The following KHDC4 variants were observed in gnomAD, a reference collection of about 807,000 sequenced individuals.
KHDC4 encodes the protein KH homology domain-containing protein 4.
Under a neutral mutation model 74.5 loss-of-function variants are expected in KHDC4, and 19 were observed. The ratio of observed to expected loss-of-function variants is 0.26; its 90% CI spans 0.18 to 0.37. The LOEUF is 0.37. KHDC4 is among the 10% of genes least tolerant of loss of function. The pLI is 1.00. For synonymous variants in KHDC4, 253 were observed against 266.1 expected, an observed-to-expected ratio of 0.95 and a Z score of 0.48; for missense variants, 632 against 754.1, an observed-to-expected ratio of 0.84 and a Z score of 1.90.
At chr1:155,915,037 T>C (rs1304946852) in intron 13 of KHDC4, 2 of 152,226 alleles carry the variant, frequency 1.3e-5, no homozygotes, top group African/African-American at 4.8e-5. Context: ...TTTTTAAAAC[T>C]ATTTTCTCTC....
At chr1:155,919,359 T>C (rs1673802472) in intron 10 of KHDC4, among the ~76,000 whole-genome samples, 1 of 152,144 alleles carries the variant, frequency 6.6e-6, no homozygotes. Flanking sequence ...GCTGTCTAAA[T>C]ATAAAAATTA....
At chr1:155,918,971 G>GTTTTT (rs66693073) in intron 10 of KHDC4, among the ~76,000 whole-genome samples, 3 of 107,448 alleles carry the variant, frequency 2.8e-5, no homozygotes, top group Non-Finnish European at 5.3e-5. Flanking sequence ...CTAACTCCCA[G>GTTTTT]TTTTTTTTTT....
intron 10 of KHDC4, among the ~76,000 whole-genome samples, 197 bp from the exon 11 acceptor site, chr1:155,917,869 T>C (rs909935506): frequency 6.6e-6 from 1 of 152,174 alleles, no homozygotes; most frequent in East Asian, 1.9e-4. Context: ...AAACATGAAA[T>C]TGACAACCTA....
In KHDC4 at chr1:155,927,169, AC is replaced by A. The variant is rs757581114; in HGVS notation, c.465-14del. 2.5e-6 allele frequency: 4 copies of A among 1,611,652 alleles called. No homozygotes were observed. The African/African-American group carries it at 5.3e-5, about 22-fold the overall frequency. ...TAATGGACGATCCCTATAAAGAGAA[AC>A]AAAAAAGGATGATCTCAATGTGGTC... On this transcript the variant is annotated splice_polypyrimidine_tract_variant and intron_variant, in intron 4 of 13. Coordinates refer to ENST00000368321, the MANE Select transcript of KHDC4 (RefSeq NM_014949.4).
At position 155,921,382 on chromosome 1, in the gene KHDC4, G is replaced by A. The variant is rs1460352047; in HGVS notation, c.1259C>T (p.Thr420Ile). Residue 420 changes from threonine (T) to isoleucine (I), a missense_variant, in exon 10 of 14, where the codon ACT becomes ATT. Physicochemically the swap from Thr to Ile is moderately conservative, Grantham distance 89. Coordinates refer to ENST00000368321, the MANE Select transcript of KHDC4 (RefSeq NM_014949.4). ...CATATCCTGACATCCTACCTGTCCA[G>A]TGCTAGCTGGAGGCTGCACTTGTGT... ...PITQVQPPAS[T>I]GQSPMGGPFI... is the part of the protein sequence containing the mutation. The A allele has an allele frequency of 6.2e-7, 1 of 1,614,044 alleles. No homozygotes were observed. The highest frequency in any genetic ancestry group is 1.1e-5 in the South Asian group (1 of 91,082).
chr1:155,934,253 A>G, intron 1 of KHDC4, 83 bp downstream of exon 1: 2 of 1,423,698 alleles, frequency 1.4e-6, no homozygotes, highest in Non-Finnish European at 1.9e-6. Context: ...GGACCCTTCC[A>G]CCCTATACGC....
At chr1:155,920,398 C>T (rs1044165518) in intron 10 of KHDC4, among the ~76,000 whole-genome samples, 5 of 152,022 alleles carry the variant, frequency 3.3e-5, no homozygotes, top group African/African-American at 1.2e-4. Flanking sequence ...AGATGCGCCA[C>T]TGCACTCCAG....
intron 2 of KHDC4, 120 bp from the exon 3 acceptor site, chr1:155,929,960 TGG>T: frequency 1.9e-6 from 1 of 516,752 alleles, no homozygotes; most frequent in Non-Finnish European, 2.8e-6. Context: ...TCGCCCAGGA[TGG>T]AGTGCAGTGG....
At position 155,914,312 on chromosome 1, in the gene KHDC4, C is replaced by T; in HGVS notation, c.1654G>A (p.Ala552Thr). 3 of 1,613,138 alleles carry T rather than the reference C, an allele frequency of 1.9e-6. No individual in the cohort carries two copies. Among genetic ancestry groups the T allele is most frequent in the Non-Finnish European group, 2.5e-6 (3 of 1,179,566 alleles). The stretch of plus-strand genomic sequence containing the variant: ...TTCTCTGTAGTTTTCATCTTCTTGG[C>T]TGGATAATCTAGAATAGAGAAAAAA... ...GTLTGSHDYP[A>T]KKMKTTEKGF... is the part of the protein sequence containing the mutation. The change falls in exon 14 of 14, where the codon GCC becomes ACC. Residue 552 changes from alanine (A) to threonine (T), a missense_variant. Transcript: ENST00000368321.
Position 155,929,920 on chromosome 1 carries a change from TATTTTTTC to T in KHDC4, c.256-88_256-81del. The T allele has an allele frequency of 4.0e-6, 4 of 1,009,774 alleles. No individual in the cohort carries two copies. In the East Asian group the frequency reaches 1.5e-4, roughly 37 times the overall value. 62.6% of individuals were successfully genotyped at this position (1,009,774 alleles called of 1,614,324 possible). A position where few individuals can be genotyped will look rare whatever the true frequency, so the allele number is the denominator to read the frequency against. ...TTTTTATTTTATTTATTTACTTATT[TATTTTTTC>T]ATTTTTTTGAGATGGAGTCTGTCGC... On this transcript the variant is annotated intron_variant, in intron 2 of 13. Coordinates refer to ENST00000368321, the MANE Select transcript of KHDC4 (RefSeq NM_014949.4).
Position 155,914,142 on chromosome 1 carries a change from C to T in KHDC4, c.1824G>A (p.Met608Ile). 6.2e-7 allele frequency: 1 copy of T among 1,614,104 alleles called. No individual in the cohort carries two copies. The highest frequency in any genetic ancestry group is 1.3e-5 in the African/African-American group (1 of 75,036). The change falls in exon 14 of 14, where the codon ATG (methionine) becomes ATA (isoleucine). Residue 608 changes from methionine to isoleucine, a missense_variant. Transcript: ENST00000368321. ...TTTCCTAGGGAGCCATCCAGAATGG[C>T]ATCTGTTGTTTAGCTCGTGGTTGTG... ...PSSQPRAKQQ[M>I]PFWMAP is the part of the protein sequence containing the mutation.
chr1:155,921,882 T>C lies in KHDC4; in HGVS notation c.991A>G (p.Asn331Asp). The change falls in exon 9 of 14, where the codon AAT (asparagine) becomes GAT (aspartate). Residue 331 changes from asparagine to aspartate, a missense_variant. Coordinates refer to ENST00000368321, the MANE Select transcript of KHDC4 (RefSeq NM_014949.4). ...AEYSRFVNQI[N>D]TAVPLPGYTQ... ...ACACCTGGTAAAGGTACAGCAGTAT[T>C]AATCTGATTCACAAATCTAGAGTAT... The C allele has an allele frequency of 6.2e-7, 1 of 1,608,526 alleles. No homozygotes were observed. Among genetic ancestry groups the C allele is most frequent in the Non-Finnish European group, 8.5e-7 (1 of 1,176,238 alleles).
chr1:155,923,601 ATGAG>A, intron 8 of KHDC4, 22 bp downstream of exon 8: 2 of 1,570,932 alleles, frequency 1.3e-6, no homozygotes, highest in Non-Finnish European at 1.8e-6. Context: ...GCTCTTCTGA[ATGAG>A]TATCAGACAA....
In KHDC4 at chr1:155,921,504, T is replaced by C; in HGVS notation, c.1137A>G (p.Gly379=). 6.2e-7 allele frequency: 1 copy of C among 1,614,068 alleles called. No individual in the cohort carries two copies. The highest frequency in any genetic ancestry group is 2.2e-5 in the East Asian group (1 of 44,868). ...CAGCTGGTGGCACTATGCTTGGTAC[T>C]CCGTAGGGAGGTTGAACTGGCTGCT... ...PPQQPVQPPY[G]VPSIVPPAVS... Residue 379 remains glycine (G), a synonymous_variant, in exon 10 of 14, where the codon GGA becomes GGG. Coordinates refer to ENST00000368321, the MANE Select transcript of KHDC4 (RefSeq NM_014949.4).
Position 155,927,129 on chromosome 1 carries a change from C to T in KHDC4, c.492G>A (p.Gln164=). 2 of 1,613,896 alleles carry T rather than the reference C, an allele frequency of 1.2e-6. No homozygotes were observed. The highest frequency in any genetic ancestry group is 1.7e-5 in the Admixed American group (1 of 59,994). The part of the protein sequence containing the change: ...PGDRPLYLHV[Q]GQTRELVDRA... Reference sequence around the variant, plus strand: ...TGTCCACTAATTCCCGTGTCTGGCCCTGAACATGAAGATATAATGGACGAT... The same window carrying T: ...TGTCCACTAATTCCCGTGTCTGGCCTTGAACATGAAGATATAATGGACGAT... The change falls in exon 5 of 14, where the codon CAG becomes CAA. Residue 164 remains glutamine (Q), a synonymous_variant. Transcript: ENST00000368321.
At position 155,925,688 on chromosome 1, in the gene KHDC4, G is replaced by A. The variant is rs1268486178; in HGVS notation, c.837C>T (p.Gly279=). The part of the protein sequence containing the change: ...AKVFLRGKGS[G]CIEPASGREA... ...CTCGGCCAGATGCTGGCTCAATGCAGCCTGAACCTTTGCCCCGCAGGAAGA... is the reference window on the plus strand; with the variant it reads ...CTCGGCCAGATGCTGGCTCAATGCAACCTGAACCTTTGCCCCGCAGGAAGA... Residue 279 remains glycine, a synonymous_variant, in exon 7 of 14, where the codon GGC becomes GGT. Transcript: ENST00000368321. 4 of 1,614,056 alleles carry A rather than the reference G, an allele frequency of 2.5e-6. No individual in the cohort carries two copies. The African/African-American group carries it at 5.3e-5, about 22-fold the overall frequency.
chr1:155,923,761 A>G, intron 7 of KHDC4, 74 bp from the exon 8 acceptor site: 1 of 1,180,468 alleles, frequency 8.5e-7, no homozygotes, highest in Admixed American at 1.8e-5. Flanking sequence ...TTCATTTTCC[A>G]TGCTATTTTA....
chr1:155,913,829 G>A lies in KHDC4; in HGVS notation c.*292C>T, dbSNP rs1572002298. ...AAGGCTGACCAGGTCAAATGTGTAT[G>A]GGAACGACCCTGTTAGGATGCTTTG... On this transcript the variant is annotated 3_prime_UTR_variant, in exon 14 of 14. Transcript: ENST00000368321. 2.7e-6 allele frequency: 1 copy of A among 370,052 alleles called. No homozygotes were observed. 22.9% of individuals were successfully genotyped at this position (370,052 alleles called of 1,614,324 possible).
intron 2 of KHDC4, chr1:155,932,370 A>G (rs1228256052): frequency 1.5e-5 from 2 of 129,804 alleles, no homozygotes; most frequent in Non-Finnish European, 3.6e-5. Context: ...ATGCAGGTAT[A>G]TATTACCAAC....
Sources: allele counts gnomAD v4.1 joint callset (sites outside exome capture counted in the v4.1 genomes callset), GRCh38; gene constraint gnomAD v4.1.1; transcripts MANE v1.5; gene names NCBI Gene and HGNC (gene_info 2026-07-23, HGNC 2026-07-21).